Variants in CSMD1 observed in about 807,000 individuals in gnomAD.
CSMD1 encodes CUB and sushi domain-containing protein 1.
A neutral mutation model predicts 417.5 loss-of-function variants in CSMD1; 213 were observed. The observed-to-expected ratio is 0.51, with a 90% CI of 0.46 to 0.57. The LOEUF is 0.57. Ranked by LOEUF, CSMD1 falls within the 20% of genes least tolerant of loss-of-function variation. The pLI is 0.00. For synonymous variants in CSMD1, 2,862 were observed against 1,736.8 expected (o/e 1.65, Z -16.11); for missense variants, 6,923 against 4,529.7 (o/e 1.53, Z -15.17).
At chr8:4,396,995 C>T (rs1804275763) in intron 3 of CSMD1, among the ~76,000 whole-genome samples, 1 of 151,732 alleles carries the variant, frequency 6.6e-6, no homozygotes, top group Non-Finnish European at 1.5e-5. Context: ...TTCATGTAAC[C>T]AAACACCATC....
At chr8:4,291,804 G>A (rs1797383499) in intron 3 of CSMD1, among the ~76,000 whole-genome samples, 1 of 152,146 alleles carries the variant, frequency 6.6e-6, no homozygotes, top group Non-Finnish European at 1.5e-5. Context: ...AGTAATATCT[G>A]GTTCTGAAAT....
At chr8:3,512,032 T>C (rs1354784282) in intron 10 of CSMD1, among the ~76,000 whole-genome samples, 1 of 152,164 alleles carries the variant, frequency 6.6e-6, no homozygotes, top group African/African-American at 2.4e-5. Context: ...TCCCTGGGCA[T>C]TCCCCATCAC....
At chr8:4,142,003 C>G (rs1803820512) in intron 3 of CSMD1, among the ~76,000 whole-genome samples, 1 of 150,586 alleles carries the variant, frequency 6.6e-6, no homozygotes. Context: ...CTTATATATT[C>G]AATGATGTTC....
At chr8:3,714,838 CTTGAA>C (rs1305008578) in intron 6 of CSMD1, among the ~76,000 whole-genome samples, 1 of 152,046 alleles carries the variant, frequency 6.6e-6, no homozygotes, top group East Asian at 1.9e-4. Context: ...TTAAACTGTT[CTTGAA>C]TTATCTCAGA....
At chr8:4,087,716 T>A (rs1206709594) in intron 3 of CSMD1, among the ~76,000 whole-genome samples, 1 of 152,160 alleles carries the variant, frequency 6.6e-6, no homozygotes, top group Admixed American at 6.5e-5. Flanking sequence ...CCTCCCACAC[T>A]CTCAACCGCA....
intron 3 of CSMD1, among the ~76,000 whole-genome samples, chr8:4,129,938 G>C (rs1204031141): frequency 6.6e-6 from 1 of 151,944 alleles, no homozygotes; most frequent in Non-Finnish European, 1.5e-5. Context: ...ATATATTTAA[G>C]TTCTTATATC....
chr8:4,656,326 G>A (rs576929442), intron 1 of CSMD1, among the ~76,000 whole-genome samples: 3 of 152,020 alleles, frequency 2.0e-5, no homozygotes, highest in Non-Finnish European at 4.4e-5. Context: ...GCAACCTTCA[G>A]GGTAGAGAAG....
At chr8:4,323,936 C>A (rs776520598) in intron 3 of CSMD1, among the ~76,000 whole-genome samples, 1 of 152,146 alleles carries the variant, frequency 6.6e-6, no homozygotes, top group Non-Finnish European at 1.5e-5. Context: ...GTCCCAGCAA[C>A]AGGCATTCAG....
chr8:4,988,807 A>G (rs76253405), intron 1 of CSMD1, among the ~76,000 whole-genome samples: 4,958 of 152,350 alleles, frequency 0.033, 123 homozygotes, highest in South Asian at 0.1. Flanking sequence ...CTCTGCATCC[A>G]AAGAGGTTGA....
At chr8:3,996,806 T>C (rs1235293857) in intron 5 of CSMD1, among the ~76,000 whole-genome samples, 2 of 152,228 alleles carry the variant, frequency 1.3e-5, no homozygotes, top group African/African-American at 2.4e-5. Context: ...AGGAAAGGAC[T>C]TCTCCATGAA....
At chr8:4,762,827 G>A (rs529316545) in intron 1 of CSMD1, among the ~76,000 whole-genome samples, 7 of 152,236 alleles carry the variant, frequency 4.6e-5, no homozygotes, top group South Asian at 2.1e-4. Context: ...TTACTAACGC[G>A]AAGAAAAGAT....
chr8:4,827,864 C>A (rs948099062), intron 1 of CSMD1, among the ~76,000 whole-genome samples: 2 of 152,152 alleles, frequency 1.3e-5, no homozygotes, highest in Admixed American at 6.5e-5. Flanking sequence ...TTGCCCTTTA[C>A]CATTTTAATC....
chr8:3,186,250 T>C (rs1422524608), intron 36 of CSMD1, among the ~76,000 whole-genome samples: 1 of 152,216 alleles, frequency 6.6e-6, no homozygotes, highest in African/African-American at 2.4e-5. Context: ...ATCTAGCAGG[T>C]ACTTTAAGAA....
intron 3 of CSMD1, among the ~76,000 whole-genome samples, chr8:4,125,894 A>G (rs1220961600): frequency 1.3e-5 from 2 of 152,154 alleles, no homozygotes; most frequent in East Asian, 3.9e-4. Context: ...ACGGTTTAGG[A>G]GACACGCAGC....
At chr8:3,469,991 T>C (rs1234460065) in intron 11 of CSMD1, among the ~76,000 whole-genome samples, 3 of 152,214 alleles carry the variant, frequency 2.0e-5, no homozygotes, top group Admixed American at 6.5e-5. Context: ...CATACATTTA[T>C]TGAAGTGTAA....
At chr8:4,097,666 T>C (rs1016296096) in intron 3 of CSMD1, among the ~76,000 whole-genome samples, 4 of 152,202 alleles carry the variant, frequency 2.6e-5, no homozygotes, top group Admixed American at 2.0e-4. Flanking sequence ...AAGATGTTCT[T>C]GTTTAAGACA....
chr8:3,773,350 C>G (rs767105296), intron 5 of CSMD1, among the ~76,000 whole-genome samples: 1 of 152,122 alleles, frequency 6.6e-6, no homozygotes. Context: ...GTGGTGCACT[C>G]TCAGCTCACT....
At chr8:4,365,945 A>AG (rs1463685637) in intron 3 of CSMD1, among the ~76,000 whole-genome samples, 4 of 152,046 alleles carry the variant, frequency 2.6e-5, no homozygotes, top group Non-Finnish European at 5.9e-5. Flanking sequence ...AAATGTTTTT[A>AG]GGTTCAGGGT....
In CSMD1 at chr8:2,935,485, C is replaced by T. The variant is rs1801390893; in HGVS notation, c.*3100G>A. 1 of 152,074 alleles carries T rather than the reference C, an allele frequency of 6.6e-6. No homozygotes were observed. Among genetic ancestry groups the T allele is most frequent in the South Asian group, 2.1e-4 (1 of 4,828 alleles). 9.4% of individuals were successfully genotyped at this position (152,074 alleles called of 1,614,324 possible). A position where few individuals can be genotyped will look rare whatever the true frequency, so the allele number is the denominator to read the frequency against. Reference sequence around the variant, plus strand: ...AGATACTGTTCATTTTAACAGGCCACTTTAATATTAATACATGTGTAATAG... The same window carrying T: ...AGATACTGTTCATTTTAACAGGCCATTTTAATATTAATACATGTGTAATAG... On this transcript the variant is annotated 3_prime_UTR_variant, in exon 70 of 70. Coordinates refer to ENST00000635120, the MANE Select transcript of CSMD1 (RefSeq NM_033225.6).
Sources: allele counts gnomAD v4.1 joint callset (sites outside exome capture counted in the v4.1 genomes callset), GRCh38; gene constraint gnomAD v4.1.1; transcripts MANE v1.5; gene names NCBI Gene and HGNC (gene_info 2026-07-23, HGNC 2026-07-21).